The following INSL6 variants were observed in gnomAD, a reference collection of about 807,000 sequenced individuals.
The protein encoded by INSL6 is insulin-like peptide INSL6.
Under a neutral mutation model 9.4 loss-of-function variants are expected in INSL6, and 16 were observed. That is an observed-to-expected ratio of 1.70 (90% CI 1.15 to 2.59). The LOEUF (loss-of-function observed/expected upper bound fraction) is 2.59, where lower values mean the gene tolerates loss of function less well. INSL6 is among the 30% of genes most tolerant of loss of function. INSL6 has a pLI of 0.00. For missense variants in INSL6, 391 were observed against 257.3 expected, an observed-to-expected ratio of 1.52 and a Z score of -3.56; for synonymous variants, 154 against 96.9, an observed-to-expected ratio of 1.59 and a Z score of -3.46.
the INSL6 span, chr9:5,100,115 C>T: frequency 6.6e-6 from 1 of 152,150 alleles, no homozygotes; most frequent in Non-Finnish European, 1.5e-5. Flanking sequence ...ATTAGTTTTC[C>T]CACAGCTTCA....
At chr9:5,158,900 T>C (rs1439041617), downstream of INSL6, among the ~76,000 whole-genome samples, 1 of 152,034 alleles carries the variant, frequency 6.6e-6, no homozygotes, top group Non-Finnish European at 1.5e-5. Context: ...TGTAGAAAGA[T>C]GAAAGATAAA....
the INSL6 span, chr9:5,078,507 C>A: frequency 1.6e-6 from 2 of 1,269,042 alleles, no homozygotes; most frequent in Non-Finnish European, 2.2e-6. Context: ...GTGTAAAGGG[C>A]ATGTTGTTAA....
intron 2 of INSL6, among the ~76,000 whole-genome samples, chr9:5,148,956 A>G (rs1824656818): frequency 1.3e-5 from 2 of 152,212 alleles, no homozygotes; most frequent in Admixed American, 6.5e-5. Flanking sequence ...GACATGCTGC[A>G]GGCCCTGTTC....
intron 2 of INSL6, among the ~76,000 whole-genome samples, chr9:5,145,445 C>A (rs1265836158): frequency 1.3e-5 from 2 of 152,062 alleles, no homozygotes; most frequent in African/African-American, 4.8e-5. Context: ...TGGGGTTGAT[C>A]TTCTTGTGGA....
chr9:5,033,875 A>G, the INSL6 span, among the ~76,000 whole-genome samples: 48 of 152,314 alleles, frequency 3.2e-4, no homozygotes, highest in African/African-American at 1.1e-3. Context: ...GACCGGATCA[A>G]ATTCACCCAT....
intron 2 of INSL6, among the ~76,000 whole-genome samples, chr9:5,143,535 C>T (rs546047097): frequency 3.3e-5 from 5 of 151,948 alleles, no homozygotes; most frequent in Non-Finnish European, 7.4e-5. Context: ...GTGGTAATAA[C>T]CCCCCTGTCA....
intron 2 of INSL6, among the ~76,000 whole-genome samples, chr9:5,155,039 G>A (rs529449515): frequency 1.5e-3 from 235 of 151,686 alleles, no homozygotes; most frequent in African/African-American, 4.9e-3. Context: ...TGTTTATTGC[G>A]GCACTATTCA....
intron 1 of INSL6, among the ~76,000 whole-genome samples, chr9:5,181,654 G>A (rs374145443): frequency 6.6e-6 from 1 of 152,130 alleles, no homozygotes; most frequent in East Asian, 1.9e-4. Context: ...AACAGCAATA[G>A]ACAGATGTCA....
At chr9:5,078,513 G>T in the INSL6 span, 1 of 1,204,082 alleles carries the variant, frequency 8.3e-7, no homozygotes, top group South Asian at 1.6e-5. Context: ...AGGGCATGTT[G>T]TTAATTTTCC....
chr9:5,110,808 G>T, the INSL6 span: 7 of 426,632 alleles, frequency 1.6e-5, no homozygotes, highest in Non-Finnish European at 2.7e-5. Context: ...ACGCCTGGGG[G>T]CCCTGCTGCA....
the INSL6 span, among the ~76,000 whole-genome samples, chr9:5,009,647 C>T: frequency 6.6e-6 from 1 of 151,972 alleles, no homozygotes; most frequent in African/African-American, 2.4e-5. Context: ...ACAACCCCTG[C>T]CCCATCCCCA....
chr9:5,134,244 T>C (rs919924034), intron 2 of INSL6, among the ~76,000 whole-genome samples: 9 of 152,092 alleles, frequency 5.9e-5, no homozygotes, highest in African/African-American at 1.9e-4. Flanking sequence ...ACAGGGAGAA[T>C]GGAACCAAGT....
chr9:5,093,818 G>C, the INSL6 span, among the ~76,000 whole-genome samples: 3 of 152,098 alleles, frequency 2.0e-5, no homozygotes, highest in East Asian at 3.8e-4. Flanking sequence ...TGGTGTAGCC[G>C]CTATTAAGGG....
the INSL6 span, chr9:5,084,896 A>G: frequency 2.3e-6 from 1 of 441,364 alleles, no homozygotes; most frequent in Non-Finnish European, 4.3e-6. Context: ...TATCTTTTAA[A>G]ATGATTTTTG....
chr9:5,042,086 G>A, the INSL6 span: 3 of 228,828 alleles, frequency 1.3e-5, no homozygotes, highest in Admixed American at 5.5e-5. Flanking sequence ...TCCCCGGGAC[G>A]AGGGGTCACT....
At chr9:5,168,225 A>G (rs1825097934) in intron 1 of INSL6, among the ~76,000 whole-genome samples, 1 of 152,228 alleles carries the variant, frequency 6.6e-6, no homozygotes, top group Admixed American at 6.5e-5. Flanking sequence ...TGAGTCAGAG[A>G]TAGATAAATT....
chr9:5,163,253 G>A (rs886770634), downstream of INSL6, among the ~76,000 whole-genome samples: 4 of 152,100 alleles, frequency 2.6e-5, no homozygotes, highest in South Asian at 2.1e-4. Flanking sequence ...AAGGGACCAC[G>A]CTTTAAGAAT....
At chr9:5,129,055 T>C (rs1436192039) in intron 3 of INSL6, among the ~76,000 whole-genome samples, 1 of 152,048 alleles carries the variant, frequency 6.6e-6, no homozygotes, top group Non-Finnish European at 1.5e-5. Context: ...AAGAGTGTTC[T>C]TTTAACCTAA....
At chr9:5,124,334 C>G (rs1823837807) in exon 4 of INSL6, among the ~76,000 whole-genome samples, 1 of 151,148 alleles carries the variant, frequency 6.6e-6, no homozygotes, top group Non-Finnish European at 1.5e-5. Flanking sequence ...TAGTATTTTT[C>G]TAGTTTCAGA....
Sources: allele counts gnomAD v4.1 joint callset (sites outside exome capture counted in the v4.1 genomes callset), GRCh38; gene constraint gnomAD v4.1.1; transcripts MANE v1.5; gene names NCBI Gene and HGNC (gene_info 2026-07-23, HGNC 2026-07-21).